FAM135B: variants seen among roughly 807,000 people sequenced by gnomAD.
FAM135B encodes family with sequence similarity 135 member B, also known as protein FAM135B.
In FAM135B, 43 loss-of-function variants were observed where a neutral mutation model predicts 127.7. The ratio of observed to expected loss-of-function variants is 0.34; its 90% CI spans 0.26 to 0.43. FAM135B has a LOEUF of 0.43. Among genes scored for constraint, FAM135B ranks in the 20% least tolerant of loss-of-function variants. FAM135B has a pLI of 1.00. For missense variants in FAM135B, 1,558 were observed against 1,725.6 expected (o/e 0.90, Z 1.72); for synonymous variants, 670 against 665.1 (o/e 1.01, Z -0.11).
At chr8:138,386,773 C>T (rs16909067) in intron 1 of FAM135B, among the ~76,000 whole-genome samples, 2,618 of 152,182 alleles carry the variant, frequency 0.017, 77 homozygotes, top group African/African-American at 0.059. Flanking sequence ...ATGATGAGAC[C>T]GCTGCTTCAT....
At chr8:138,322,958 T>G (rs1233737117) in intron 2 of FAM135B, among the ~76,000 whole-genome samples, 7 of 152,224 alleles carry the variant, frequency 4.6e-5, no homozygotes, top group African/African-American at 1.7e-4. Context: ...ATGAAATGAC[T>G]AATATATTTT....
chr8:138,218,852 C>T (rs1818798466), intron 7 of FAM135B, among the ~76,000 whole-genome samples: 1 of 151,886 alleles, frequency 6.6e-6, no homozygotes, highest in Admixed American at 6.6e-5. Flanking sequence ...GTTGTCCCAT[C>T]AGACAAGGCA....
intron 2 of FAM135B, among the ~76,000 whole-genome samples, chr8:138,332,202 T>C (rs1828235047): frequency 6.6e-6 from 1 of 152,162 alleles, no homozygotes; most frequent in African/African-American, 2.4e-5. Context: ...GGAAAGGTCA[T>C]GCTTGCATTG....
chr8:138,350,891 T>C (rs1180923232), intron 2 of FAM135B, among the ~76,000 whole-genome samples: 1 of 152,212 alleles, frequency 6.6e-6, no homozygotes, highest in Non-Finnish European at 1.5e-5. Flanking sequence ...ATAATGTCCA[T>C]GGTCTTCATA....
Position 138,283,299 on chromosome 8 carries a change from G to A in FAM135B, c.158-17457C>T, listed in dbSNP as rs576204980. On this transcript the variant is annotated intron_variant, in intron 3 of 19. Transcript: ENST00000395297. The stretch of plus-strand genomic sequence containing the variant: ...GAACCAAAACGAAATGAGCCGTTGG[G>A]CCATAAAAAGATGGAAAAAATGTAA... 6.6e-5 allele frequency among the ~76,000 whole-genome samples: 10 copies of A among 152,192 alleles called. No individual in the cohort carries two copies. The East Asian group carries it at 1.9e-3, about 29-fold the overall frequency.
At position 138,261,961 on chromosome 8, in the gene FAM135B, A is replaced by C. The variant is rs999281864; in HGVS notation, c.297+3742T>G. 2.0e-5 allele frequency among the ~76,000 whole-genome samples: 3 copies of C among 152,224 alleles called. No homozygotes were observed. In the South Asian group the frequency reaches 6.2e-4, roughly 32 times the overall value. ...GGAAATGCATCCATTCCAAATATAC[A>C]GTGTTTACAGACATATCCAATTAAC... is the stretch of plus-strand genomic sequence containing the variant. On this transcript the variant is annotated intron_variant, in intron 4 of 19. Transcript: ENST00000395297.
At chr8:138,443,914 G>GTAT (rs1835953068) in intron 1 of FAM135B, among the ~76,000 whole-genome samples, 4 of 152,090 alleles carry the variant, frequency 2.6e-5, no homozygotes, top group African/African-American at 7.2e-5. Flanking sequence ...CCTACCTCAT[G>GTAT]TGCAGAGACA....
intron 1 of FAM135B, among the ~76,000 whole-genome samples, chr8:138,486,208 T>C (rs1814978586): frequency 6.6e-6 from 1 of 151,922 alleles, no homozygotes; most frequent in Non-Finnish European, 1.5e-5. Flanking sequence ...AAAATCCACG[T>C]AGGGTTCCTC....
intron 3 of FAM135B, among the ~76,000 whole-genome samples, 183 bp downstream of exon 3, chr8:138,310,658 C>A (rs1203679177): frequency 1.3e-5 from 2 of 152,230 alleles, no homozygotes; most frequent in Non-Finnish European, 2.9e-5. Flanking sequence ...TTCCCCTTGC[C>A]ACAATGTACA....
At chr8:138,221,151 A>G (rs1326007156) in intron 7 of FAM135B, among the ~76,000 whole-genome samples, 1 of 152,204 alleles carries the variant, frequency 6.6e-6, no homozygotes, top group African/African-American at 2.4e-5. Context: ...TTAGAAAGAA[A>G]AGAGGTTTAA....
chr8:138,242,792 A>G lies in FAM135B; in HGVS notation c.669+150T>C, dbSNP rs929777762. On this transcript the variant is annotated intron_variant, in intron 7 of 19. Coordinates refer to ENST00000395297, the MANE Select transcript of FAM135B (RefSeq NM_015912.4). The surrounding 1 kb of genome is among the most constrained non-coding windows in gnomAD (Gnocchi z 9.6). ...TGTCTGATAGAGCTTGTAGTGATAA[A>G]AACAAGGGGTGGGAAGATGGTGAAA... 5.8e-6 allele frequency: 6 copies of G among 1,031,232 alleles called. No individual in the cohort carries two copies. The African/African-American group carries it at 9.8e-5, about 17-fold the overall frequency. 63.9% of individuals were successfully genotyped at this position (1,031,232 alleles called of 1,614,324 possible).
At chr8:138,438,712 TG>T (rs1461457897) in intron 1 of FAM135B, 1 of 152,192 alleles carries the variant, frequency 6.6e-6, no homozygotes, top group African/African-American at 2.4e-5. Flanking sequence ...CCCACTGAAC[TG>T]GATTCTTGCC....
At chr8:138,381,048 C>A (rs1281684309) in intron 1 of FAM135B, among the ~76,000 whole-genome samples, 2 of 152,182 alleles carry the variant, frequency 1.3e-5, no homozygotes, top group South Asian at 2.1e-4. Flanking sequence ...GAGAGAAAAA[C>A]CATGACCTGA....
At chr8:138,184,415 C>T (rs925994109) in intron 9 of FAM135B, among the ~76,000 whole-genome samples, 5 of 152,166 alleles carry the variant, frequency 3.3e-5, no homozygotes, top group African/African-American at 9.7e-5. Flanking sequence ...CTGCAGCACA[C>T]TCTGTATGGG....
intron 1 of FAM135B, among the ~76,000 whole-genome samples, chr8:138,409,305 AT>A (rs1332106237): frequency 6.6e-6 from 1 of 152,140 alleles, no homozygotes; most frequent in Non-Finnish European, 1.5e-5. Context: ...CACACACGAC[AT>A]TTATCAATTA....
chr8:138,149,144 T>A (rs911164498), intron 13 of FAM135B, among the ~76,000 whole-genome samples: 11 of 105,710 alleles, frequency 1.0e-4, no homozygotes, highest in South Asian at 4.8e-4. Context: ...AAAAAATAAA[T>A]AAATAAATAA....
At chr8:138,402,725 C>A (rs1399020120) in intron 1 of FAM135B, among the ~76,000 whole-genome samples, 1 of 152,220 alleles carries the variant, frequency 6.6e-6, no homozygotes, top group Non-Finnish European at 1.5e-5. Context: ...CTATACTACA[C>A]TACCAAGGTT....
intron 2 of FAM135B, among the ~76,000 whole-genome samples, chr8:138,314,510 C>A (rs1220338180): frequency 3.3e-5 from 5 of 151,928 alleles, no homozygotes; most frequent in African/African-American, 1.2e-4. Context: ...AGAGGGCAAA[C>A]AAGCTCATGA....
intron 2 of FAM135B, among the ~76,000 whole-genome samples, chr8:138,343,057 CATTT>C (rs1411043566): frequency 2.0e-5 from 3 of 152,206 alleles, no homozygotes; most frequent in African/African-American, 2.4e-5. Flanking sequence ...AATACGCATT[CATTT>C]ATTTATTTAT....
Sources: gnomAD v4.1 joint callset for allele counts (sites outside exome capture counted in the v4.1 genomes callset) on GRCh38, gnomAD v4.1.1 for gene constraint, Gnocchi (gnomAD v3.1) non-coding constraint, MANE v1.5 for transcripts, NCBI Gene and HGNC (gene_info 2026-07-23, HGNC 2026-07-21) for gene names.